TRPM3: variants seen among roughly 807,000 people sequenced by gnomAD.
The protein encoded by TRPM3 is long transient receptor potential channel 3.
A neutral mutation model predicts 181.2 loss-of-function variants in TRPM3; 77 were observed. That is an observed-to-expected ratio of 0.42 (90% CI 0.35 to 0.51). The LOEUF is 0.51. TRPM3 is among the 20% of genes least tolerant of loss of function. The pLI is 0.01. For synonymous variants in TRPM3, 745 were observed against 796.4 expected (o/e 0.94, Z 1.09); for missense variants, 1,759 against 2,196.7 (o/e 0.80, Z 3.98).
intron 1 of TRPM3, among the ~76,000 whole-genome samples, chr9:70,979,228 C>CCCGTTAA (rs1319536386): frequency 1.3e-5 from 2 of 152,168 alleles, no homozygotes; most frequent in Middle Eastern, 3.2e-3. Flanking sequence ...CATTCCATTG[C>CCCGTTAA]CCGTTAACCT....
Position 70,938,493 on chromosome 9 carries a change from G to A in TRPM3, c.178-73982C>T, listed in dbSNP as rs192740361. 2.4e-3 allele frequency among the ~76,000 whole-genome samples: 364 copies of A among 151,378 alleles called. 1 individual carries two copies. The highest frequency in any genetic ancestry group is 7.6e-3 in the African/African-American group (315 of 41,196). ...TCCTGTCTTTTTTTTCTATCTCTCC[G>A]CTTATTCTTTCTCAGTCCTCTTTGC... On this transcript the variant is annotated intron_variant, in intron 1 of 25. Coordinates refer to ENST00000677713, the MANE Select transcript of TRPM3 (RefSeq NM_001366145.2).
rs190151954 is a variant in TRPM3, at chr9:70,758,079, C to T, written c.1272+3522G>A. 2.0e-5 allele frequency among the ~76,000 whole-genome samples: 3 copies of T among 152,274 alleles called. No individual in the cohort carries two copies. The East Asian group carries it at 5.8e-4, about 29-fold the overall frequency. The stretch of plus-strand genomic sequence containing the variant: ...ATGACATGATTGTATGTTTAGAAAA[C>T]CCCATCGTCTCAGCCCAAAATCTCC... On this transcript the variant is annotated intron_variant, in intron 8 of 25. Transcript: ENST00000677713.
intron 8 of TRPM3, among the ~76,000 whole-genome samples, chr9:70,738,510 T>C (rs2073285218): frequency 6.6e-6 from 1 of 152,144 alleles, no homozygotes; most frequent in Non-Finnish European, 1.5e-5. Flanking sequence ...AGAAACTTCA[T>C]AGCATTAAAG....
intron 1 of TRPM3, among the ~76,000 whole-genome samples, chr9:71,087,975 C>T (rs1031954849): frequency 6.6e-6 from 1 of 151,996 alleles, no homozygotes; most frequent in Admixed American, 6.6e-5. Context: ...TCTATTCATC[C>T]ACCTTAACCC....
chr9:71,180,422 G>T (rs567110340), intron 1 of TRPM3, among the ~76,000 whole-genome samples: 1 of 152,196 alleles, frequency 6.6e-6, no homozygotes, highest in East Asian at 1.9e-4. Context: ...ACTTGAAAGG[G>T]AATTTAATCT....
At chr9:71,318,474 T>C (rs2088867236) in intron 1 of TRPM3, among the ~76,000 whole-genome samples, 1 of 152,204 alleles carries the variant, frequency 6.6e-6, no homozygotes, top group Non-Finnish European at 1.5e-5. Flanking sequence ...GTCTACAACA[T>C]ATGCATTTCT....
chr9:71,436,226 C>T (rs942789488), intron 1 of TRPM3, among the ~76,000 whole-genome samples: 8 of 124,740 alleles, frequency 6.4e-5, no homozygotes, highest in Non-Finnish European at 8.6e-5. Flanking sequence ...TGAGGCCTCC[C>T]GCCTTGATTC....
intron 6 of TRPM3, among the ~76,000 whole-genome samples, chr9:70,797,381 T>A (rs2087409251): frequency 6.6e-6 from 1 of 152,216 alleles, no homozygotes; most frequent in Non-Finnish European, 1.5e-5. Context: ...TTCACTTAAC[T>A]GCTAGCTGTC....
chr9:71,280,206 G>A (rs2084592893), intron 1 of TRPM3, among the ~76,000 whole-genome samples: 1 of 152,100 alleles, frequency 6.6e-6, no homozygotes, highest in Admixed American at 6.6e-5. Context: ...CTCCAGTGAT[G>A]GACACCAGCA....
chr9:71,218,736 T>C (rs1011461119), intron 1 of TRPM3, among the ~76,000 whole-genome samples: 2 of 152,204 alleles, frequency 1.3e-5, no homozygotes, highest in African/African-American at 4.8e-5. Context: ...AGAGCAAAAA[T>C]ATTATACTTT....
intron 1 of TRPM3, among the ~76,000 whole-genome samples, chr9:71,351,622 G>C (rs911945046): frequency 6.6e-6 from 1 of 152,072 alleles, no homozygotes; most frequent in African/African-American, 2.4e-5. Flanking sequence ...TATATACATA[G>C]GTATATCTTC....
intron 22 of TRPM3, among the ~76,000 whole-genome samples, chr9:70,555,372 T>C (rs1168014972): frequency 6.6e-6 from 1 of 152,158 alleles, no homozygotes; most frequent in East Asian, 1.9e-4. Context: ...CCATTGCCAG[T>C]TTATTCGTCT....
intron 1 of TRPM3, among the ~76,000 whole-genome samples, chr9:70,900,828 T>C (rs2096374430): frequency 6.6e-6 from 1 of 152,238 alleles, no homozygotes; most frequent in African/African-American, 2.4e-5. Flanking sequence ...AGCAAGAATC[T>C]ATATCTGGCC....
intron 1 of TRPM3, among the ~76,000 whole-genome samples, chr9:71,345,875 G>A (rs192775069): frequency 4.0e-4 from 61 of 152,232 alleles, no homozygotes; most frequent in African/African-American, 1.2e-3. Context: ...CCACACATCC[G>A]CTAGAATGGC....
chr9:71,144,649 T>C (rs570089091), intron 1 of TRPM3, among the ~76,000 whole-genome samples: 218 of 152,284 alleles, frequency 1.4e-3, no homozygotes, highest in African/African-American at 5.0e-3. Flanking sequence ...CTGTGTTATA[T>C]ATAATCCTTA....
chr9:70,630,880 C>A (rs1053565848), intron 12 of TRPM3, among the ~76,000 whole-genome samples: 1 of 152,126 alleles, frequency 6.6e-6, no homozygotes, highest in Non-Finnish European at 1.5e-5. Flanking sequence ...ATAAGGAAAC[C>A]TTTTAATTAA....
rs143547849 is a variant in TRPM3 at position 70,807,266 on chromosome 9, G to A, written c.973+20581C>T. 3.9e-5 allele frequency among the ~76,000 whole-genome samples: 6 copies of A among 152,248 alleles called. No homozygotes were observed. In the East Asian group the frequency reaches 1.2e-3, roughly 29 times the overall value. On this transcript the variant is annotated intron_variant, in intron 6 of 25. Transcript: ENST00000677713. The stretch of plus-strand genomic sequence containing the variant: ...GGAAATACTGAGGCCACGGTGCACT[G>A]GCTGCTGTAAAATATGTATCATTAG...
intron 1 of TRPM3, among the ~76,000 whole-genome samples, chr9:71,205,090 C>A (rs1026548892): frequency 2.0e-5 from 3 of 151,912 alleles, no homozygotes; most frequent in African/African-American, 7.3e-5. Flanking sequence ...GGAGGAATTG[C>A]ATTAGGAGAT....
At chr9:71,188,142 G>A (rs781395398) in intron 1 of TRPM3, among the ~76,000 whole-genome samples, 4 of 151,820 alleles carry the variant, frequency 2.6e-5, no homozygotes, top group Non-Finnish European at 5.9e-5. Flanking sequence ...TCTGGAAGGA[G>A]ACGTCCTAAA....
Sources: gnomAD v4.1 joint callset for allele counts (sites outside exome capture counted in the v4.1 genomes callset) on GRCh38, gnomAD v4.1.1 for gene constraint, MANE v1.5 for transcripts, NCBI Gene and HGNC (gene_info 2026-07-23, HGNC 2026-07-21) for gene names.